Variants in RGSL1 observed in about 807,000 individuals in gnomAD.
RGSL1 encodes the protein regulator of G protein signaling protein-like.
Under a neutral mutation model 124.7 loss-of-function variants are expected in RGSL1, and 97 were observed. That is an observed-to-expected ratio of 0.78 (90% CI 0.66 to 0.92). RGSL1 has a LOEUF of 0.92. Ranked by LOEUF, RGSL1 falls within the 40% of genes least tolerant of loss-of-function variation. The pLI, the probability that RGSL1 is intolerant of heterozygous loss-of-function variation, is 0.00. For synonymous variants in RGSL1, 424 were observed against 438.1 expected, an observed-to-expected ratio of 0.97 and a Z score of 0.40; for missense variants, 1,233 against 1,288.4, an observed-to-expected ratio of 0.96 and a Z score of 0.66.
Position 182,527,649 on chromosome 1 carries a change from G to A in RGSL1, c.2002G>A (p.Ala668Thr). Residue 668 changes from alanine to threonine, a missense_variant, in exon 11 of 22, where the codon GCT (alanine) becomes ACT (threonine). By Grantham distance (58) the Ala-to-Thr change is moderately conservative (BLOSUM62 0). Coordinates refer to ENST00000294854, the MANE Select transcript of RGSL1 (RefSeq NM_001137669.2). ...CAGGGAGTTCCTCAAGGAACGGAAG[G>A]CTAAAATCCCATTGCAATTTCTCAC... ...FFREFLKERKAKIPLQFLTAV... is the reference protein window; with the variant it reads ...FFREFLKERKTKIPLQFLTAV... The A allele has an allele frequency of 1.9e-6, 3 of 1,551,706 alleles. No homozygotes were observed. Among genetic ancestry groups the A allele is most frequent in the Non-Finnish European group, 2.6e-6 (3 of 1,146,862 alleles).
chr1:182,484,832 G>C (rs1654978536), intron 6 of RGSL1, among the ~76,000 whole-genome samples: 1 of 152,236 alleles, frequency 6.6e-6, no homozygotes, highest in Admixed American at 6.5e-5. Context: ...AAGGGGAAGA[G>C]TGTGACAGCT....
chr1:182,497,225 AGAAAGAT>A (rs1655985099), intron 9 of RGSL1, among the ~76,000 whole-genome samples: 1 of 136,818 alleles, frequency 7.3e-6, no homozygotes, highest in Non-Finnish European at 1.5e-5. Flanking sequence ...AAAAAGAGAT[AGAAAGAT>A]AGATAGATAG....
At chr1:182,510,340 T>G (rs868283817) in intron 9 of RGSL1, among the ~76,000 whole-genome samples, 5 of 33,412 alleles carry the variant, frequency 1.5e-4, no homozygotes, top group Admixed American at 2.4e-4. Context: ...CTGGGAGGTG[T>G]AGGTTGTAGT....
intron 6 of RGSL1, 29 bp from the exon 7 acceptor site, chr1:182,488,256 A>G (rs775745766): frequency 6.5e-7 from 1 of 1,549,222 alleles, no homozygotes; most frequent in South Asian, 1.2e-5. Flanking sequence ...CATCCACCTC[A>G]TAATGCATAT....
chr1:182,509,706 C>T (rs551261139), intron 9 of RGSL1, among the ~76,000 whole-genome samples: 3,509 of 136,510 alleles, frequency 0.026, 140 homozygotes, highest in African/African-American at 0.094. Flanking sequence ...CACGGCTGGC[C>T]GGGCGGGGGG....
At chr1:182,489,789 C>G (rs1655385746) in intron 8 of RGSL1, among the ~76,000 whole-genome samples, 1 of 152,206 alleles carries the variant, frequency 6.6e-6, no homozygotes, top group Non-Finnish European at 1.5e-5. Flanking sequence ...GTTTTCTCAT[C>G]TGTAAAATGG....
At chr1:182,480,710 C>T (rs1654639946) in intron 6 of RGSL1, among the ~76,000 whole-genome samples, 1 of 152,136 alleles carries the variant, frequency 6.6e-6, no homozygotes, top group African/African-American at 2.4e-5. Context: ...CCTGCCTCAG[C>T]CTCCCAAAGT....
chr1:182,528,945 C>A (rs1054502503), intron 11 of RGSL1, among the ~76,000 whole-genome samples: 1 of 152,160 alleles, frequency 6.6e-6, no homozygotes, highest in African/African-American at 2.4e-5. Flanking sequence ...GAGTGCCCAG[C>A]GAAGGGGGAA....
Position 182,509,848 on chromosome 1 carries a change from G to A in RGSL1, c.1826-12156G>A, listed in dbSNP as rs866846897. ...CCCCCACCTCCCTCCCGGACGGGGT[G>A]GCTGCCGGGCGGAGACGCTCCTCAC... is the stretch of plus-strand genomic sequence containing the variant. On this transcript the variant is annotated intron_variant, in intron 9 of 21. Transcript: ENST00000294854. Among the ~76,000 whole-genome samples the A allele has an allele frequency of 7.9e-3, 1,096 of 138,638 alleles. 8 individuals carry two copies. The highest frequency in any genetic ancestry group is 0.025 in the African/African-American group (883 of 35,984). The allele number at this position is 138,638 out of a possible 152,430, so 91.0% of individuals were successfully genotyped here. A position where few individuals can be genotyped will look rare whatever the true frequency, so the allele number is the denominator to read the frequency against.
Position 182,473,791 on chromosome 1 carries a change from T to C in RGSL1, c.680T>C (p.Ile227Thr), listed in dbSNP as rs1375075453. 4 of 1,551,622 alleles carry C rather than the reference T, an allele frequency of 2.6e-6. No homozygotes were observed. Among genetic ancestry groups the C allele is most frequent in the Middle Eastern group, 1.7e-4 (1 of 5,990 alleles). ...TRLYSVCYTH[I>T]GGLPLNMSIK... The stretch of plus-strand genomic sequence containing the variant: ...TTATACAGCGTTTGCTACACCCACA[T>C]AGGAGGGCTCCCTCTGAACATGAGC... The change falls in exon 6 of 22, where the codon ATA (isoleucine) becomes ACA (threonine). Residue 227 changes from isoleucine to threonine, a missense_variant. Transcript: ENST00000294854.
Position 182,547,005 on chromosome 1 carries a change from T to G in RGSL1, c.2670-1312T>G, listed in dbSNP as rs145217315. On this transcript the variant is annotated intron_variant, in intron 15 of 21. Coordinates refer to ENST00000294854, the MANE Select transcript of RGSL1 (RefSeq NM_001137669.2). The stretch of plus-strand genomic sequence containing the variant: ...GTTTTTCAAAAATGTAGACACCTGA[T>G]AATTCATGCATCAGTTAGAAGAGTT... Among the ~76,000 whole-genome samples, 346 of 152,344 alleles carry G rather than the reference T, an allele frequency of 2.3e-3. 1 individual carries two copies. Among genetic ancestry groups the G allele is most frequent in the African/African-American group, 7.6e-3 (316 of 41,582 alleles).
chr1:182,504,471 A>G (rs1656654793), intron 9 of RGSL1, among the ~76,000 whole-genome samples: 2 of 70,188 alleles, frequency 2.8e-5, no homozygotes, highest in Admixed American at 3.8e-4. Flanking sequence ...AATGAGCCAT[A>G]CTTTTTTTTT....
At chr1:182,508,692 T>A (rs76520638) in intron 9 of RGSL1, among the ~76,000 whole-genome samples, 9,277 of 141,090 alleles carry the variant, frequency 0.066, 344 homozygotes, top group Middle Eastern at 0.088. Context: ...TTTTTTTTTT[T>A]AATTTATTTT....
intron 15 of RGSL1, among the ~76,000 whole-genome samples, chr1:182,543,835 A>C (rs752229282): frequency 6.6e-6 from 1 of 151,942 alleles, no homozygotes; most frequent in African/African-American, 2.4e-5. Context: ...GTTGTACATC[A>C]TAATCTCTGA....
chr1:182,499,990 T>G (rs2102142531), intron 9 of RGSL1, among the ~76,000 whole-genome samples: 1 of 152,372 alleles, frequency 6.6e-6, no homozygotes, highest in South Asian at 2.1e-4. Context: ...GATAATGTTC[T>G]TTGATGCACA....
At chr1:182,480,428 C>T (rs1047247735) in intron 6 of RGSL1, among the ~76,000 whole-genome samples, 2 of 151,474 alleles carry the variant, frequency 1.3e-5, no homozygotes, top group Admixed American at 6.6e-5. Flanking sequence ...GAAACCCTGT[C>T]TCTAAAATAA....
rs530876073 is a variant in RGSL1, at chr1:182,546,790, T to G, written c.2670-1527T>G. On this transcript the variant is annotated intron_variant, in intron 15 of 21. Transcript: ENST00000294854. ...ATAACTTTTCTTTAATGTTCATATT[T>G]TATCAGTTTTCACAAGTTACTAATT... is the stretch of plus-strand genomic sequence containing the variant. Among the ~76,000 whole-genome samples, 20 of 152,364 alleles carry G rather than the reference T, an allele frequency of 1.3e-4. No individual in the cohort carries two copies. In the East Asian group the frequency reaches 3.5e-3, roughly 26 times the overall value.
chr1:182,486,116 A>C (rs974613250), intron 6 of RGSL1, among the ~76,000 whole-genome samples: 5 of 152,178 alleles, frequency 3.3e-5, no homozygotes, highest in Non-Finnish European at 7.3e-5. Context: ...AATTCTAAAG[A>C]AAATCCTAAT....
At chr1:182,528,381 G>A (rs889120647) in intron 11 of RGSL1, among the ~76,000 whole-genome samples, 1 of 152,102 alleles carries the variant, frequency 6.6e-6, no homozygotes, top group African/African-American at 2.4e-5. Context: ...ACACAATCAT[G>A]CCCTTCCAAC....
Sources: gnomAD v4.1 joint callset for allele counts (sites outside exome capture counted in the v4.1 genomes callset) on GRCh38, gnomAD v4.1.1 for gene constraint, MANE v1.5 for transcripts, NCBI Gene and HGNC (gene_info 2026-07-23, HGNC 2026-07-21) for gene names.